The following GTF2A1 variants were observed in gnomAD, a reference collection of about 807,000 sequenced individuals.
GTF2A1 encodes transcription initiation factor IIA subunit 1.
GTF2A1 carries 12 observed loss-of-function variants against 54.1 expected under a neutral mutation model. That is an observed-to-expected ratio of 0.22 (90% CI 0.14 to 0.36). The LOEUF (loss-of-function observed/expected upper bound fraction) is 0.36, where lower values mean the gene tolerates loss of function less well. GTF2A1 is among the 10% of genes least tolerant of loss of function. GTF2A1 has a pLI of 1.00. For synonymous variants in GTF2A1, 145 were observed against 152.0 expected (o/e 0.95, Z 0.34); for missense variants, 335 against 442.2 (o/e 0.76, Z 2.17).
intron 2 of GTF2A1, 157 bp from the exon 3 acceptor site, chr14:81,204,261 T>C: frequency 1.3e-6 from 1 of 764,028 alleles, no homozygotes; most frequent in Non-Finnish European, 2.4e-6. Flanking sequence ...AGTGAAACAA[T>C]AACAAAAACA....
intron 1 of GTF2A1, among the ~76,000 whole-genome samples, chr14:81,219,033 A>G (rs535456109): frequency 4.3e-4 from 66 of 152,244 alleles, no homozygotes; most frequent in African/African-American, 1.5e-3. Context: ...AACATTTTCC[A>G]TGTAGAAAGC....
intron 4 of GTF2A1, among the ~76,000 whole-genome samples, chr14:81,200,052 T>C (rs556564043): frequency 5.2e-4 from 79 of 152,278 alleles, no homozygotes; most frequent in African/African-American, 1.8e-3. Flanking sequence ...TGAAATTTTT[T>C]ATTTTCATGT....
At chr14:81,213,839 T>G (rs1893426533) in intron 2 of GTF2A1, among the ~76,000 whole-genome samples, 1 of 150,190 alleles carries the variant, frequency 6.7e-6, no homozygotes, top group Non-Finnish European at 1.5e-5. Flanking sequence ...TATTTTTGGG[T>G]TTTTCTGTTT....
At position 81,176,139 on chromosome 14, in the gene GTF2A1, A is replaced by T. The variant is rs1272514932; in HGVS notation, c.*4084T>A. The T allele has an allele frequency of 1.3e-5, 2 of 151,596 alleles. No homozygotes were observed. Among genetic ancestry groups the T allele is most frequent in the Admixed American group, 6.6e-5 (1 of 15,188 alleles). The allele number at this position is 151,596 out of a possible 1,614,324, so 9.4% of individuals were successfully genotyped here. A position where few individuals can be genotyped will look rare whatever the true frequency, so the allele number is the denominator to read the frequency against. ...TATACTAGTAAGCAAAGCAAGCAAC[A>T]TTTTTTTTTAAATAACATCTTTAAT... On this transcript the variant is annotated 3_prime_UTR_variant, in exon 9 of 9. Transcript: ENST00000553612.
At chr14:81,188,990 T>C (rs894686523) in intron 7 of GTF2A1, among the ~76,000 whole-genome samples, 7 of 152,202 alleles carry the variant, frequency 4.6e-5, no homozygotes, top group African/African-American at 1.7e-4. Context: ...CCCTACTGAA[T>C]AGTCTTGGTT....
chr14:81,189,998 CTGAA>C (rs1892839389), intron 7 of GTF2A1, among the ~76,000 whole-genome samples: 5 of 66,780 alleles, frequency 7.5e-5, no homozygotes, highest in Non-Finnish European at 1.5e-4. Flanking sequence ...CCTGGTAAGA[CTGAA>C]CAGGGAAAAA....
chr14:81,220,099 T>A (rs1893587018), intron 1 of GTF2A1, among the ~76,000 whole-genome samples: 1 of 151,440 alleles, frequency 6.6e-6, no homozygotes, highest in African/African-American at 2.4e-5. Flanking sequence ...CTGTAGCCAC[T>A]CGGGGAGCCC....
chr14:81,216,347 T>C (rs1026177572), intron 2 of GTF2A1, 66 bp downstream of exon 2: 5 of 735,614 alleles, frequency 6.8e-6, no homozygotes, highest in Non-Finnish European at 1.2e-5. Context: ...TACAGATTCA[T>C]CTCCGGCTAA....
chr14:81,216,336 T>G, intron 2 of GTF2A1, 77 bp downstream of exon 2: 1 of 696,432 alleles, frequency 1.4e-6, no homozygotes, highest in Non-Finnish European at 2.6e-6. Context: ...TATAGAAAAA[T>G]TACAGATTCA....
At chr14:81,184,750 A>G (rs865857733) in intron 8 of GTF2A1, among the ~76,000 whole-genome samples, 6 of 152,312 alleles carry the variant, frequency 3.9e-5, no homozygotes, top group Non-Finnish European at 7.4e-5. Flanking sequence ...TCCGCACTCT[A>G]TAAATGTTGA....
intron 2 of GTF2A1, chr14:81,210,029 T>C (rs1893327769): frequency 1.9e-5 from 3 of 159,766 alleles, no homozygotes; most frequent in South Asian, 1.2e-4. Flanking sequence ...GACAATTCTT[T>C]ATCATACAGA....
rs1893489124 is a variant in GTF2A1, at chr14:81,216,377, A to G, written c.132+36T>C. 4 of 877,994 alleles carry G rather than the reference A, an allele frequency of 4.6e-6. No individual in the cohort carries two copies. In the African/African-American group the frequency reaches 5.0e-5, roughly 11 times the overall value. 54.4% of individuals were successfully genotyped at this position (877,994 alleles called of 1,614,324 possible). ...GGCTAAAGAAAATGTTTTGTGGGGGAAAAGTAGGAATATTTTAAAAAAAAG... is the reference window on the plus strand; with the variant it reads ...GGCTAAAGAAAATGTTTTGTGGGGGGAAAGTAGGAATATTTTAAAAAAAAG... On this transcript the variant is annotated intron_variant, in intron 2 of 8. Coordinates refer to ENST00000553612, the MANE Select transcript of GTF2A1 (RefSeq NM_015859.4).
chr14:81,215,437 G>A (rs1893466816), intron 2 of GTF2A1, among the ~76,000 whole-genome samples: 1 of 152,120 alleles, frequency 6.6e-6, no homozygotes. Context: ...AAGAACCCTT[G>A]GGGAGAATCC....
chr14:81,219,928 CCT>C (rs1893580389), intron 1 of GTF2A1, among the ~76,000 whole-genome samples: 1 of 152,090 alleles, frequency 6.6e-6, no homozygotes, highest in African/African-American at 2.4e-5. Context: ...CAACCTTCGT[CCT>C]TTTTTTAAAC....
intron 6 of GTF2A1, among the ~76,000 whole-genome samples, chr14:81,195,794 A>C (rs1174501742): frequency 2.0e-5 from 3 of 152,058 alleles, no homozygotes; most frequent in Non-Finnish European, 4.4e-5. Flanking sequence ...AAATCCCCTG[A>C]CCCTTGTGAA....
intron 1 of GTF2A1, among the ~76,000 whole-genome samples, chr14:81,217,721 G>A (rs1276539545): frequency 1.3e-5 from 2 of 152,124 alleles, no homozygotes; most frequent in African/African-American, 4.8e-5. Context: ...GAGCCCAGGA[G>A]GGAGAGGGTG....
chr14:81,184,092 A>G (rs1212098561), intron 8 of GTF2A1, among the ~76,000 whole-genome samples: 4 of 152,236 alleles, frequency 2.6e-5, no homozygotes, highest in African/African-American at 4.8e-5. Context: ...TTAAAACAGT[A>G]AAGTAATGTC....
At chr14:81,188,835 C>A (rs898716100) in intron 7 of GTF2A1, among the ~76,000 whole-genome samples, 1 of 151,202 alleles carries the variant, frequency 6.6e-6, no homozygotes, top group Non-Finnish European at 1.5e-5. Context: ...ATGTTTTCTT[C>A]TAAGAGTTTT....
chr14:81,200,373 T>C (rs1595219602), intron 4 of GTF2A1, among the ~76,000 whole-genome samples: 1 of 152,178 alleles, frequency 6.6e-6, no homozygotes, highest in Admixed American at 6.5e-5. Context: ...CCTGTAATCC[T>C]AACACTTCAG....
Sources: gnomAD v4.1 joint callset for allele counts (sites outside exome capture counted in the v4.1 genomes callset) on GRCh38, gnomAD v4.1.1 for gene constraint, MANE v1.5 for transcripts, NCBI Gene and HGNC (gene_info 2026-07-23, HGNC 2026-07-21) for gene names.